LMNB1: variants seen among roughly 807,000 people sequenced by gnomAD.
The protein encoded by LMNB1 is lamin B1.
In LMNB1, 23 loss-of-function variants were observed where a neutral mutation model predicts 67.1. The observed-to-expected ratio is 0.34, with a 90% CI of 0.25 to 0.49. The LOEUF is 0.49. LMNB1 is among the 20% of genes least tolerant of loss of function. LMNB1 has a pLI of 0.99. For synonymous variants in LMNB1, 281 were observed against 282.9 expected, an observed-to-expected ratio of 0.99 and a Z score of 0.07; for missense variants, 634 against 746.5, an observed-to-expected ratio of 0.85 and a Z score of 1.76.
intron 9 of LMNB1, among the ~76,000 whole-genome samples, chr5:126,830,744 A>G (rs1752111852): frequency 6.6e-6 from 1 of 152,170 alleles, no homozygotes; most frequent in Non-Finnish European, 1.5e-5. Flanking sequence ...GAATGTGGTA[A>G]TTTTGTTATA....
intron 10 of LMNB1, among the ~76,000 whole-genome samples, chr5:126,835,825 G>C (rs1292667112): frequency 6.6e-6 from 1 of 152,144 alleles, no homozygotes; most frequent in Non-Finnish European, 1.5e-5. Context: ...GGTGGCTCAC[G>C]CCTGTAATCC....
chr5:126,787,544 A>ATTTTTTTTTTTTTTT (rs1222029249), intron 1 of LMNB1, among the ~76,000 whole-genome samples: 8 of 76,296 alleles, frequency 1.0e-4, no homozygotes, highest in African/African-American at 4.3e-4. Flanking sequence ...ATATATATAT[A>ATTTTTTTTTTTTTTT]TATTTTTTTT....
At chr5:126,806,558 T>A (rs559284231) in intron 3 of LMNB1, among the ~76,000 whole-genome samples, 11 of 152,076 alleles carry the variant, frequency 7.2e-5, no homozygotes, top group Non-Finnish European at 1.6e-4. Context: ...GTCTTCTTCA[T>A]AGGGCTGCTC....
At chr5:126,781,540 G>C (rs938503613) in intron 1 of LMNB1, among the ~76,000 whole-genome samples, 14 of 151,762 alleles carry the variant, frequency 9.2e-5, no homozygotes, top group African/African-American at 1.5e-4. Flanking sequence ...AGGTTCAAGC[G>C]ATGCTCTTGA....
chr5:126,781,974 A>G (rs1011346952), intron 1 of LMNB1, among the ~76,000 whole-genome samples: 5 of 152,190 alleles, frequency 3.3e-5, no homozygotes, highest in Admixed American at 2.0e-4. Context: ...AACAGACCTC[A>G]TATGTAAGGT....
chr5:126,808,005 G>T (rs1452823892), intron 3 of LMNB1, among the ~76,000 whole-genome samples: 2 of 151,776 alleles, frequency 1.3e-5, no homozygotes. Context: ...TGGAGTAACT[G>T]GGTCTACAGG....
At chr5:126,785,493 T>G (rs1339682444) in intron 1 of LMNB1, among the ~76,000 whole-genome samples, 2 of 149,686 alleles carry the variant, frequency 1.3e-5, no homozygotes, top group South Asian at 4.2e-4. Flanking sequence ...TTTTTTTTTT[T>G]GTATTTTAGT....
chr5:126,809,354 A>T (rs12514715), intron 3 of LMNB1, among the ~76,000 whole-genome samples: 25,748 of 152,178 alleles, frequency 0.17, 2,545 homozygotes, highest in East Asian at 0.28. Flanking sequence ...TAAAGAAGTC[A>T]TGTAAATTAG....
At chr5:126,811,200 G>A (rs1463309594) in intron 4 of LMNB1, among the ~76,000 whole-genome samples, 2 of 152,208 alleles carry the variant, frequency 1.3e-5, no homozygotes, top group South Asian at 2.1e-4. Context: ...GTAAGGATCC[G>A]TCACAGACTG....
At chr5:126,836,103 G>C (rs970511151) in intron 10 of LMNB1, 120 bp from the exon 11 acceptor site, 4 of 711,244 alleles carry the variant, frequency 5.6e-6, no homozygotes, top group African/African-American at 5.4e-5. Context: ...GATGATAAAG[G>C]GTCCATTTGA....
intron 7 of LMNB1, among the ~76,000 whole-genome samples, chr5:126,822,220 C>G (rs1237234698): frequency 6.6e-6 from 1 of 152,176 alleles, no homozygotes; most frequent in East Asian, 1.9e-4. Flanking sequence ...CAACTCCTGA[C>G]CTCAGGTGAT....
intron 5 of LMNB1, among the ~76,000 whole-genome samples, chr5:126,812,657 A>G (rs1013192461): frequency 6.3e-5 from 9 of 142,764 alleles, no homozygotes; most frequent in Admixed American, 1.4e-4. Context: ...TTCCGCTTCT[A>G]TTTTCCTCAA....
At chr5:126,777,970 GATGC>G in intron 1 of LMNB1, 103 bp downstream of exon 1, 1 of 1,052,358 alleles carries the variant, frequency 9.5e-7, no homozygotes, top group Non-Finnish European at 1.3e-6. Context: ...CAGAGGCCAG[GATGC>G]ACGCGTCCTT....
In LMNB1 at chr5:126,821,151, C is replaced by CT. The variant is rs36106959; in HGVS notation, c.1386+24dup. 68 of 1,534,718 alleles carry CT rather than the reference C, an allele frequency of 4.4e-5. 1 individual carries two copies. Among genetic ancestry groups the CT allele is most frequent in the Non-Finnish European group, 4.9e-5 (54 of 1,108,432 alleles). The stretch of plus-strand genomic sequence containing the variant: ...TTCTGAACAGGTAATAAAATAGACC[C>CT]TTTTTTTTCTAGCAAGGCTTTGTGG... On this transcript the variant is annotated intron_variant, in intron 7 of 10. Coordinates refer to ENST00000261366, the MANE Select transcript of LMNB1 (RefSeq NM_005573.4).
intron 10 of LMNB1, among the ~76,000 whole-genome samples, chr5:126,834,887 C>T (rs1396131141): frequency 6.6e-6 from 1 of 152,042 alleles, no homozygotes; most frequent in African/African-American, 2.4e-5. Context: ...TAAAAAAAGA[C>T]TTAATGCACC....
intron 9 of LMNB1, among the ~76,000 whole-genome samples, chr5:126,829,466 G>T (rs1446340832): frequency 1.3e-5 from 2 of 151,666 alleles, no homozygotes; most frequent in African/African-American, 4.8e-5. Context: ...GATAAACATG[G>T]TCTTACCCAA....
At position 126,825,771 on chromosome 5, in the gene LMNB1, G is replaced by A. The variant is rs188034664; in HGVS notation, c.1492-217G>A. ...TGAGTGTAGGCAGTTTTACTTCAGG[G>A]TCTTATATATTATCATCTTCACTTA... On this transcript the variant is annotated intron_variant, in intron 8 of 10. Coordinates refer to ENST00000261366, the MANE Select transcript of LMNB1 (RefSeq NM_005573.4). 1.6e-3 allele frequency among the ~76,000 whole-genome samples: 249 copies of A among 152,256 alleles called. 3 individuals carry two copies. Among genetic ancestry groups the A allele is most frequent in the African/African-American group, 5.7e-3 (237 of 41,530 alleles).
chr5:126,787,932 G>T (rs1750850981), intron 1 of LMNB1, among the ~76,000 whole-genome samples: 1 of 151,882 alleles, frequency 6.6e-6, no homozygotes, highest in African/African-American at 2.4e-5. Context: ...AAGATTTTAA[G>T]GCAGAATTGT....
At position 126,798,134 on chromosome 5, in the gene LMNB1, AAAACAAAC is replaced by A. The variant is rs143035589; in HGVS notation, c.360-6615_360-6608del. Among the ~76,000 whole-genome samples, 494 of 148,192 alleles carry A rather than the reference AAAACAAAC, an allele frequency of 3.3e-3. 1 individual carries two copies. The highest frequency in any genetic ancestry group is 8.7e-3 in the African/African-American group (352 of 40,318). On this transcript the variant is annotated intron_variant, in intron 1 of 10. Coordinates refer to ENST00000261366, the MANE Select transcript of LMNB1 (RefSeq NM_005573.4). The stretch of plus-strand genomic sequence containing the variant: ...CTGGGCAACAGAGCGAGACCGTCTC[AAAACAAAC>A]AAACAAACAAACAAACAAACAAACA...
Sources: allele counts gnomAD v4.1 joint callset (sites outside exome capture counted in the v4.1 genomes callset), GRCh38; gene constraint gnomAD v4.1.1; transcripts MANE v1.5; gene names NCBI Gene and HGNC (gene_info 2026-07-23, HGNC 2026-07-21).